ATP9B: variants seen among roughly 807,000 people sequenced by gnomAD.
The protein encoded by ATP9B is probable phospholipid-transporting ATPase IIB.
ATP9B carries 110 observed loss-of-function variants against 146.1 expected under a neutral mutation model. That is an observed-to-expected ratio of 0.75 (90% CI 0.65 to 0.88). The LOEUF (loss-of-function observed/expected upper bound fraction) is 0.88. Among genes scored for constraint, ATP9B ranks in the 40% least tolerant of loss-of-function variants. The pLI, the probability that ATP9B is intolerant of heterozygous loss-of-function variation, is 0.00. For synonymous variants in ATP9B, 604 were observed against 569.7 expected, an observed-to-expected ratio of 1.06 and a Z score of -0.86; for missense variants, 1,499 against 1,496.4, an observed-to-expected ratio of 1.00 and a Z score of -0.03.
intron 5 of ATP9B, among the ~76,000 whole-genome samples, chr18:79,134,390 C>T (rs757747481): frequency 2.6e-5 from 4 of 152,180 alleles, no homozygotes; most frequent in Non-Finnish European, 4.4e-5. Flanking sequence ...TGGGGAGTGG[C>T]GTTACTCTGA....
At chr18:79,163,869 T>TATACACACACACACACACACACACACAC (rs2094921695) in intron 7 of ATP9B, among the ~76,000 whole-genome samples, 2 of 142,680 alleles carry the variant, frequency 1.4e-5, no homozygotes, top group African/African-American at 5.2e-5. Context: ...TTTTATTTTA[T>TATACACACACACACACACACACACACAC]ACACACACAC....
At chr18:79,250,884 G>A (rs571021186) in intron 11 of ATP9B, among the ~76,000 whole-genome samples, 2 of 152,200 alleles carry the variant, frequency 1.3e-5, no homozygotes, top group East Asian at 1.9e-4. Flanking sequence ...CTGGAGCTCC[G>A]AGATGCTGCT....
intron 5 of ATP9B, among the ~76,000 whole-genome samples, chr18:79,137,052 T>C (rs2094456181): frequency 6.6e-6 from 1 of 152,220 alleles, no homozygotes; most frequent in Non-Finnish European, 1.5e-5. Context: ...CAATTCAAGA[T>C]GAGAGTTGGG....
intron 23 of ATP9B, among the ~76,000 whole-genome samples, chr18:79,346,216 C>T (rs1161506708): frequency 6.7e-6 from 1 of 150,306 alleles, no homozygotes; most frequent in Non-Finnish European, 1.5e-5. Flanking sequence ...CACACTCGGT[C>T]AGCGCACGTC....
At chr18:79,177,038 A>G in intron 8 of ATP9B, 131 bp downstream of exon 8, 4 of 720,050 alleles carry the variant, frequency 5.6e-6, no homozygotes, top group Non-Finnish European at 4.4e-6. Flanking sequence ...TTTATTCCTC[A>G]TGAAGGTTCA....
chr18:79,205,125 A>G (rs1384338935), intron 9 of ATP9B, among the ~76,000 whole-genome samples: 1 of 152,128 alleles, frequency 6.6e-6, no homozygotes, highest in Non-Finnish European at 1.5e-5. Context: ...CTTCCTAACT[A>G]CTGGGCTTGC....
intron 7 of ATP9B, among the ~76,000 whole-genome samples, chr18:79,171,648 G>A (rs1035395377): frequency 3.3e-5 from 5 of 152,180 alleles, no homozygotes; most frequent in African/African-American, 9.6e-5. Context: ...GCGTAAGGCT[G>A]TGTTATTTCA....
rs73971527 is a variant in ATP9B at position 79,216,666 on chromosome 18, G to A, written c.1107+2628G>A. On this transcript the variant is annotated intron_variant, in intron 11 of 29. Transcript: ENST00000426216. ...TGGCCTAGAAATTCTTCCAGTTTCCGCTGTGTGGGCATTCCTTCTCTCCCT... is the reference window on the plus strand; with the variant it reads ...TGGCCTAGAAATTCTTCCAGTTTCCACTGTGTGGGCATTCCTTCTCTCCCT... 5.0e-3 allele frequency among the ~76,000 whole-genome samples: 757 copies of A among 152,268 alleles called. 12 individuals are homozygous for A. Among genetic ancestry groups the A allele is most frequent in the African/African-American group, 0.017 (714 of 41,552 alleles).
intron 11 of ATP9B, among the ~76,000 whole-genome samples, chr18:79,223,092 T>C (rs1242473486): frequency 6.6e-6 from 1 of 152,224 alleles, no homozygotes; most frequent in Non-Finnish European, 1.5e-5. Context: ...TGCTTTCAGA[T>C]GTCTCATTGG....
At chr18:79,142,404 CCTTTT>C (rs376328612) in intron 5 of ATP9B, among the ~76,000 whole-genome samples, 1 of 151,956 alleles carries the variant, frequency 6.6e-6, no homozygotes, top group African/African-American at 2.4e-5. Context: ...CTTTTTCTCT[CCTTTT>C]AAGATGTGTT....
In ATP9B at chr18:79,307,230, A is replaced by T. The variant is rs1395143568; in HGVS notation, c.1769A>T (p.Asp590Val). 6.2e-7 allele frequency: 1 copy of T among 1,614,138 alleles called. No homozygotes were observed. The highest frequency in any genetic ancestry group is 8.5e-7 in the Non-Finnish European group (1 of 1,179,974). Residue 590 changes from aspartate to valine, a missense_variant, in exon 15 of 30, where the codon GAT becomes GTT. By Grantham distance (152) the Asp-to-Val change is radical. Transcript: ENST00000426216. ...CGCACCTACCAGGCTTCCAGCCCGGATGAGGTCAGTCAAAGCACAAAACCG... is the reference window on the plus strand; with the variant it reads ...CGCACCTACCAGGCTTCCAGCCCGGTTGAGGTCAGTCAAAGCACAAAACCG... ...ENRTYQASSP[D>V]EVALVQWTES...
intron 11 of ATP9B, among the ~76,000 whole-genome samples, chr18:79,229,745 C>T (rs935220034): frequency 2.6e-5 from 4 of 152,218 alleles, no homozygotes; most frequent in South Asian, 2.1e-4. Flanking sequence ...TTTCAAGTTA[C>T]ATTCTTAAAC....
At chr18:79,282,035 C>T (rs553225553) in intron 13 of ATP9B, among the ~76,000 whole-genome samples, 1 of 152,144 alleles carries the variant, frequency 6.6e-6, no homozygotes. Context: ...GTTTCAAGAC[C>T]TCAGCGGAGG....
chr18:79,348,571 G>A (rs1393780460), intron 25 of ATP9B, among the ~76,000 whole-genome samples: 2 of 152,256 alleles, frequency 1.3e-5, no homozygotes, highest in Non-Finnish European at 2.9e-5. Flanking sequence ...CTGTTGTGCG[G>A]CGTGGCCAGC....
chr18:79,252,840 A>G (rs1450719746), intron 11 of ATP9B, among the ~76,000 whole-genome samples: 1 of 147,596 alleles, frequency 6.8e-6, no homozygotes, highest in Non-Finnish European at 1.5e-5. Context: ...TTTCAGAGAG[A>G]CTGCTGGTAG....
chr18:79,128,304 C>T (rs182433161), intron 5 of ATP9B, among the ~76,000 whole-genome samples: 35 of 152,216 alleles, frequency 2.3e-4, no homozygotes, highest in Admixed American at 1.8e-3. Context: ...GTGATCCACC[C>T]GCCTTGGCTT....
chr18:79,310,057 A>C (rs1357437210), intron 15 of ATP9B, among the ~76,000 whole-genome samples: 5 of 152,192 alleles, frequency 3.3e-5, no homozygotes, highest in African/African-American at 1.2e-4. Flanking sequence ...ACTGTTGCTG[A>C]TCAGCATGTG....
rs58177335 is a variant in ATP9B at position 79,103,285 on chromosome 18, T to TTTTA, written c.293+6636_293+6637insTTTA. Reference sequence around the variant, plus strand: ...ATTTGTAGTTTTTTTTTTTTTTTTTTAAGAAATCTATCTTGTATTAAGAAA... The same window carrying TTTTA: ...ATTTGTAGTTTTTTTTTTTTTTTTTTTTTAAAGAAATCTATCTTGTATTAAGAAA... On this transcript the variant is annotated intron_variant, in intron 2 of 29. Transcript: ENST00000426216. Among the ~76,000 whole-genome samples, 621 of 149,698 alleles carry TTTTA rather than the reference T, an allele frequency of 4.1e-3. 2 individuals are homozygous for TTTTA. Among genetic ancestry groups the TTTTA allele is most frequent in the South Asian group, 0.023 (111 of 4,780 alleles).
At chr18:79,099,903 G>A (rs2075127823) in intron 2 of ATP9B, among the ~76,000 whole-genome samples, 1 of 152,066 alleles carries the variant, frequency 6.6e-6, no homozygotes, top group African/African-American at 2.4e-5. Flanking sequence ...GAGGCAGGTG[G>A]ATCACGAGGT....
Sources: allele counts gnomAD v4.1 joint callset (sites outside exome capture counted in the v4.1 genomes callset), GRCh38; gene constraint gnomAD v4.1.1; transcripts MANE v1.5; gene names NCBI Gene and HGNC (gene_info 2026-07-23, HGNC 2026-07-21).